RGS5: variants seen among roughly 807,000 people sequenced by gnomAD.
The protein encoded by RGS5 is regulator of G protein signaling 5, also known as regulator of G-protein signalling 5.
In RGS5, 20 loss-of-function variants were observed where a neutral mutation model predicts 18.9. That is an observed-to-expected ratio of 1.06 (90% CI 0.74 to 1.54). The LOEUF (loss-of-function observed/expected upper bound fraction) is 1.54. Among genes scored for constraint, RGS5 ranks in the 40% most tolerant of loss-of-function variants. The pLI is 0.00. For synonymous variants in RGS5, 57 were observed against 76.2 expected (o/e 0.75, Z 1.31); for missense variants, 201 against 211.8 (o/e 0.95, Z 0.32).
intron 2 of RGS5, among the ~76,000 whole-genome samples, chr1:163,272,048 CTT>C (rs1648733657): frequency 6.6e-6 from 1 of 151,630 alleles, no homozygotes; most frequent in Admixed American, 6.6e-5. Flanking sequence ...CTCTCTCTCT[CTT>C]TTTCTTTTTT....
intron 1 of RGS5, among the ~76,000 whole-genome samples, chr1:163,307,504 A>T (rs1041428482): frequency 1.3e-5 from 2 of 152,154 alleles, no homozygotes; most frequent in Non-Finnish European, 2.9e-5. Context: ...CTAGTCCATT[A>T]ATCCTTCCAC....
At chr1:163,195,505 A>G (rs1659527989) in intron 1 of RGS5, among the ~76,000 whole-genome samples, 1 of 152,060 alleles carries the variant, frequency 6.6e-6, no homozygotes, top group Admixed American at 6.6e-5. Context: ...GTGCCCTGAA[A>G]TTTCAGAAAT....
At chr1:163,157,105 T>C (rs1177380863) in intron 3 of RGS5, among the ~76,000 whole-genome samples, 2 of 152,008 alleles carry the variant, frequency 1.3e-5, no homozygotes, top group Non-Finnish European at 2.9e-5. Context: ...CATGGACAAA[T>C]CTAAATCACA....
In RGS5 at chr1:163,168,249, A is replaced by T. The variant is rs748497947; in HGVS notation, c.155+9T>A. 2 of 1,596,776 alleles carry T rather than the reference A, an allele frequency of 1.3e-6. No homozygotes were observed. Among genetic ancestry groups the T allele is most frequent in the Non-Finnish European group, 1.7e-6 (2 of 1,164,314 alleles). On this transcript the variant is annotated intron_variant, in intron 2 of 4. Transcript: ENST00000313961. ...GAGGAAATGAGTGGAATCCATATTC[A>T]TGACTCACTTCTGGGTCTTGGCTGG...
chr1:163,202,804 G>C lies in RGS5; in HGVS notation c.32C>G (p.Ser11Ter), dbSNP rs908862104. MCKGLAALPHSCLERAKEIKI... is the reference protein window; with the variant it reads MCKGLAALPH ...ACTTGGTTCTCACCTTTCCAGGCAT[G>C]AGTGGGGCAAAGCTGCAAGTCCTTT... Residue 11 changes from serine (S) to a stop codon, truncating the protein, a stop_gained, in exon 1 of 5, where the codon TCA becomes TGA. Coordinates refer to ENST00000313961, the MANE Select transcript of RGS5 (RefSeq NM_003617.4). LOFTEE classifies it high-confidence loss of function. 19 of 1,613,466 alleles carry C rather than the reference G, an allele frequency of 1.2e-5. No homozygotes were observed. The highest frequency in any genetic ancestry group is 1.5e-5 in the Non-Finnish European group (18 of 1,179,684).
intron 1 of RGS5, among the ~76,000 whole-genome samples, chr1:163,188,951 C>CAAAAA (rs34767004): frequency 2.8e-4 from 22 of 77,638 alleles, no homozygotes; most frequent in African/African-American, 1.0e-3. Flanking sequence ...GACCCCATCT[C>CAAAAA]AAAAAAAAAA....
At chr1:163,168,612 A>G (rs1431892750) in intron 1 of RGS5, among the ~76,000 whole-genome samples, 2 of 152,128 alleles carry the variant, frequency 1.3e-5, no homozygotes, top group Non-Finnish European at 2.9e-5. Context: ...TTATTGTTTT[A>G]TATGTGTTCT....
At chr1:163,192,267 C>A (rs903911744) in intron 1 of RGS5, among the ~76,000 whole-genome samples, 1 of 152,082 alleles carries the variant, frequency 6.6e-6, no homozygotes, top group African/African-American at 2.4e-5. Flanking sequence ...TGGGGCTGAG[C>A]CCTTAACCTA....
intron 2 of RGS5, among the ~76,000 whole-genome samples, chr1:163,273,731 T>C (rs983621156): frequency 4.6e-5 from 7 of 152,208 alleles, no homozygotes; most frequent in Non-Finnish European, 1.0e-4. Flanking sequence ...ACTTTCTTGT[T>C]TCTTTCTATC....
At chr1:163,238,670 T>A in intron 2 of RGS5, 1 of 281,732 alleles carries the variant, frequency 3.5e-6, no homozygotes, top group Non-Finnish European at 6.8e-6. Context: ...ACTGAAAAAA[T>A]TTTTGTTGGT....
intron 1 of RGS5, among the ~76,000 whole-genome samples, chr1:163,193,367 TA>T (rs1659433523): frequency 6.6e-6 from 1 of 152,268 alleles, no homozygotes; most frequent in East Asian, 1.9e-4. Context: ...CCAATTCCTT[TA>T]AACACTGAAA....
intron 2 of RGS5, among the ~76,000 whole-genome samples, chr1:163,255,473 C>G (rs1360249874): frequency 1.3e-5 from 2 of 152,046 alleles, no homozygotes; most frequent in Admixed American, 1.3e-4. Flanking sequence ...TAATCAATAG[C>G]TTACCAACCA....
chr1:163,244,100 CT>C (rs1473862690), intron 2 of RGS5, among the ~76,000 whole-genome samples: 2 of 152,130 alleles, frequency 1.3e-5, no homozygotes, highest in Non-Finnish European at 2.9e-5. Flanking sequence ...CTACTATTGC[CT>C]TTTTCACTAT....
intron 2 of RGS5, among the ~76,000 whole-genome samples, chr1:163,165,532 G>A (rs970511263): frequency 1.3e-5 from 2 of 152,200 alleles, no homozygotes; most frequent in African/African-American, 4.8e-5. Context: ...TCCAGAGGGT[G>A]AGCAACAGTG....
intron 1 of RGS5, among the ~76,000 whole-genome samples, chr1:163,182,683 T>C (rs574692641): frequency 3.0e-4 from 46 of 152,246 alleles, no homozygotes; most frequent in Middle Eastern, 3.4e-3. Flanking sequence ...AGCCAGATAA[T>C]GAATAGTGGG....
At chr1:163,238,775 A>T (rs1647701479) in intron 2 of RGS5, 1 of 195,588 alleles carries the variant, frequency 5.1e-6, no homozygotes, top group African/African-American at 2.4e-5. Flanking sequence ...GAGTTTAATA[A>T]GGTCAGTAAA....
chr1:163,200,878 C>A (rs1659748408), intron 1 of RGS5, among the ~76,000 whole-genome samples: 1 of 151,972 alleles, frequency 6.6e-6, no homozygotes, highest in Non-Finnish European at 1.5e-5. Flanking sequence ...ATAAAGTGAT[C>A]CAATATTAAT....
upstream of RGS5, chr1:163,217,777 G>T: frequency 1.3e-6 from 1 of 742,448 alleles, no homozygotes; most frequent in South Asian, 2.5e-5. Flanking sequence ...CGAAACTTCT[G>T]ATATGTGGTT....
upstream of RGS5, among the ~76,000 whole-genome samples, chr1:163,205,454 C>T (rs1659930922): frequency 6.6e-6 from 1 of 151,538 alleles, no homozygotes. Context: ...TCCTGAGAAT[C>T]CCTCAGAAAT....
Sources: gnomAD v4.1 joint callset for allele counts (sites outside exome capture counted in the v4.1 genomes callset) on GRCh38, gnomAD v4.1.1 for gene constraint, MANE v1.5 for transcripts, NCBI Gene and HGNC (gene_info 2026-07-23, HGNC 2026-07-21) for gene names.